METAP1D: variants seen among roughly 807,000 people sequenced by gnomAD.
METAP1D encodes methionine aminopeptidase 1D, mitochondrial.
METAP1D carries 31 observed loss-of-function variants against 40.5 expected under a neutral mutation model. The observed-to-expected ratio is 0.77, with a 90% CI of 0.58 to 1.03. The LOEUF is 1.03. METAP1D is among the 50% of genes least tolerant of loss of function. The pLI is 0.00. For missense variants in METAP1D, 411 were observed against 420.7 expected (o/e 0.98, Z 0.20); for synonymous variants, 151 against 146.4 (o/e 1.03, Z -0.22).
rs576574231 is a variant in METAP1D, at chr2:172,081,008, T to A, written c.*602T>A. 2.5e-5 allele frequency: 4 copies of A among 159,106 alleles called. No homozygotes were observed. The highest frequency in any genetic ancestry group is 1.2e-4 in the Admixed American group (2 of 16,536). The allele number at this position is 159,106 out of a possible 1,614,324, so 9.9% of individuals were successfully genotyped here. On this transcript the variant is annotated 3_prime_UTR_variant, in exon 10 of 10. Coordinates refer to ENST00000315796, the MANE Select transcript of METAP1D (RefSeq NM_199227.3). ...AAAGATTAGCCCGCGAACAGAGGCATTGATTACAAACATGTCCTTGGCAGT... is the reference window on the plus strand; with the variant it reads ...AAAGATTAGCCCGCGAACAGAGGCAATGATTACAAACATGTCCTTGGCAGT...
At chr2:172,065,387 C>G (rs947087007) in intron 3 of METAP1D, among the ~76,000 whole-genome samples, 1 of 152,144 alleles carries the variant, frequency 6.6e-6, no homozygotes, top group African/African-American at 2.4e-5. Context: ...TTTCTATTTC[C>G]TAATGGTCCA....
At chr2:172,033,148 CA>C (rs1351083927) in intron 1 of METAP1D, among the ~76,000 whole-genome samples, 1 of 151,132 alleles carries the variant, frequency 6.6e-6, no homozygotes, top group Non-Finnish European at 1.5e-5. Flanking sequence ...ACAGGAAATA[CA>C]AAGGACAGAG....
At chr2:172,045,739 ATGTGTATATATGTATATATG>A (rs1349441520) in intron 1 of METAP1D, among the ~76,000 whole-genome samples, 4 of 80,642 alleles carry the variant, frequency 5.0e-5, no homozygotes, top group African/African-American at 1.6e-4. Context: ...GTGTATATAT[ATGTGTATATATGTATATATG>A]TGTGTATATA....
intron 1 of METAP1D, among the ~76,000 whole-genome samples, chr2:172,023,578 G>T (rs1215795655): frequency 6.6e-6 from 1 of 152,104 alleles, no homozygotes; most frequent in African/African-American, 2.4e-5. Flanking sequence ...CATTCGTCAG[G>T]ACTCATCGAA....
chr2:172,049,863 AT>A (rs1336214567), intron 1 of METAP1D, among the ~76,000 whole-genome samples: 1 of 152,130 alleles, frequency 6.6e-6, no homozygotes, highest in African/African-American at 2.4e-5. Context: ...CTACCTACCG[AT>A]TTACCACTCC....
At chr2:172,054,166 C>T (rs1407454053) in intron 1 of METAP1D, among the ~76,000 whole-genome samples, 1 of 152,036 alleles carries the variant, frequency 6.6e-6, no homozygotes, top group African/African-American at 2.4e-5. Context: ...TTAAAATGGA[C>T]CCTGAGTAAG....
At chr2:172,060,549 G>T (rs1690117555) in intron 1 of METAP1D, among the ~76,000 whole-genome samples, 2 of 151,790 alleles carry the variant, frequency 1.3e-5, no homozygotes, top group South Asian at 4.1e-4. Flanking sequence ...AAATGTATAA[G>T]CTCCTTTTAC....
At chr2:172,025,665 T>C (rs1323942534) in intron 1 of METAP1D, among the ~76,000 whole-genome samples, 1 of 152,068 alleles carries the variant, frequency 6.6e-6, no homozygotes, top group Non-Finnish European at 1.5e-5. Flanking sequence ...GAGAGAATAA[T>C]GGTATGAGTC....
chr2:172,025,071 T>C (rs1486777825), intron 1 of METAP1D, among the ~76,000 whole-genome samples: 2 of 152,168 alleles, frequency 1.3e-5, no homozygotes, highest in East Asian at 3.9e-4. Context: ...CTCAAACTTT[T>C]GTGTATGTAG....
chr2:172,050,362 A>G (rs963921501), intron 1 of METAP1D, among the ~76,000 whole-genome samples: 3 of 152,212 alleles, frequency 2.0e-5, no homozygotes, highest in Non-Finnish European at 2.9e-5. Flanking sequence ...TTTAAGTAGT[A>G]TATGACAGTA....
chr2:172,030,250 T>C (rs1016458543), intron 1 of METAP1D, among the ~76,000 whole-genome samples: 6 of 151,956 alleles, frequency 3.9e-5, no homozygotes, highest in Admixed American at 1.3e-4. Context: ...CCACCATGCC[T>C]GGCTAATTTT....
intron 1 of METAP1D, among the ~76,000 whole-genome samples, chr2:172,045,817 G>C (rs200219931): frequency 1.2e-4 from 2 of 16,330 alleles, no homozygotes; most frequent in Admixed American, 8.2e-4. Flanking sequence ...GTGTGTGTGT[G>C]TGTATATATA....
At chr2:172,038,458 G>A (rs561227235) in intron 1 of METAP1D, among the ~76,000 whole-genome samples, 8 of 152,134 alleles carry the variant, frequency 5.3e-5, no homozygotes, top group Admixed American at 2.6e-4. Context: ...CCAATTTTTT[G>A]ACGGTAAAGA....
chr2:172,011,821 A>G (rs184405165), intron 1 of METAP1D, among the ~76,000 whole-genome samples: 2 of 152,332 alleles, frequency 1.3e-5, no homozygotes, highest in East Asian at 3.9e-4. Context: ...TTTAGTTCTT[A>G]TGAATAATGC....
intron 1 of METAP1D, among the ~76,000 whole-genome samples, chr2:172,041,728 A>T (rs1209195967): frequency 5.9e-4 from 10 of 16,850 alleles, no homozygotes; most frequent in Non-Finnish European, 1.0e-3. Flanking sequence ...TAATTATTTT[A>T]TATATATATA....
rs1559018369 is a variant in METAP1D, at chr2:172,065,586, CTTTA to C, written c.349-13_349-10del. ...GTCTTCAATTGTTGCTGCACAATTT[CTTTA>C]TTTAACATTTTAGGTTGACATGACA... is the stretch of plus-strand genomic sequence containing the variant. On this transcript the variant is annotated splice_polypyrimidine_tract_variant and intron_variant, in intron 3 of 9. Transcript: ENST00000315796. 8 of 1,610,958 alleles carry C rather than the reference CTTTA, an allele frequency of 5.0e-6. No individual in the cohort carries two copies. The highest frequency in any genetic ancestry group is 6.8e-6 in the Non-Finnish European group (8 of 1,178,860).
At chr2:172,079,710 A>C (rs1690652979) in intron 8 of METAP1D, among the ~76,000 whole-genome samples, 2 of 152,212 alleles carry the variant, frequency 1.3e-5, no homozygotes, top group Non-Finnish European at 2.9e-5. Flanking sequence ...TGGAGAAGCA[A>C]TTAGAGTGAA....
At chr2:172,000,072 G>C (rs1325110251) in intron 1 of METAP1D, 63 bp downstream of exon 1, 1 of 1,253,948 alleles carries the variant, frequency 8.0e-7, no homozygotes, top group Non-Finnish European at 1.0e-6. Context: ...ACGCACCCGG[G>C]TCCAAAGGGA....
chr2:172,063,435 T>G (rs1266875956), intron 2 of METAP1D, among the ~76,000 whole-genome samples: 6 of 152,164 alleles, frequency 3.9e-5, no homozygotes, highest in Admixed American at 6.5e-5. Flanking sequence ...AGAAAACTAC[T>G]GTTTGTTTTG....
Sources: gnomAD v4.1 joint callset for allele counts (sites outside exome capture counted in the v4.1 genomes callset) on GRCh38, gnomAD v4.1.1 for gene constraint, MANE v1.5 for transcripts, NCBI Gene and HGNC (gene_info 2026-07-23, HGNC 2026-07-21) for gene names.